Variants in CTNNA2 observed in about 807,000 individuals in gnomAD.
CTNNA2 encodes catenin alpha 2.
CTNNA2 carries 42 observed loss-of-function variants against 101.0 expected under a neutral mutation model. That is an observed-to-expected ratio of 0.42 (90% confidence interval 0.32 to 0.54). CTNNA2 has a LOEUF of 0.54. CTNNA2 is among the 20% of genes least tolerant of loss of function. The pLI is 0.14. For synonymous variants in CTNNA2, 450 were observed against 456.4 expected, an observed-to-expected ratio of 0.99 and a Z score of 0.18; for missense variants, 871 against 1,223.1, an observed-to-expected ratio of 0.71 and a Z score of 4.29.
chr2:80,561,100 G>A (rs531242490), intron 12 of CTNNA2, among the ~76,000 whole-genome samples: 3 of 152,244 alleles, frequency 2.0e-5, no homozygotes, highest in African/African-American at 7.2e-5. Context: ...AGAGTTTTAT[G>A]ATTGGACAGG....
chr2:79,778,065 G>A (rs1349983701), intron 3 of CTNNA2, among the ~76,000 whole-genome samples: 1 of 152,048 alleles, frequency 6.6e-6, no homozygotes, highest in Non-Finnish European at 1.5e-5. Flanking sequence ...TTTTCAGCTG[G>A]GTGCGGTGGC....
At chr2:79,269,043 C>T (rs563376406) in intron 2 of CTNNA2, among the ~76,000 whole-genome samples, 2 of 152,144 alleles carry the variant, frequency 1.3e-5, no homozygotes, top group African/African-American at 2.4e-5. Context: ...GGGGCCAGAT[C>T]GTTACCAAGG....
intron 18 of CTNNA2, among the ~76,000 whole-genome samples, chr2:80,626,263 A>G (rs550346126): frequency 2.6e-5 from 4 of 152,108 alleles, no homozygotes; most frequent in Non-Finnish European, 5.9e-5. Context: ...GGGAGAGTAG[A>G]GTGAACACAG....
intron 7 of CTNNA2, among the ~76,000 whole-genome samples, chr2:80,106,881 C>A (rs1054545213): frequency 6.6e-6 from 1 of 152,140 alleles, no homozygotes; most frequent in Non-Finnish European, 1.5e-5. Context: ...GTGGGACACA[C>A]AACGCTTGTC....
chr2:79,391,700 A>G (rs1338800197), intron 4 of CTNNA2, among the ~76,000 whole-genome samples: 1 of 152,188 alleles, frequency 6.6e-6, no homozygotes, highest in African/African-American at 2.4e-5. Flanking sequence ...TAACTTGCCC[A>G]ACATTGTACA....
At chr2:80,125,574 C>T (rs1357983382) in intron 7 of CTNNA2, among the ~76,000 whole-genome samples, 1 of 152,188 alleles carries the variant, frequency 6.6e-6, no homozygotes, top group Non-Finnish European at 1.5e-5. Context: ...GTGCATAGAG[C>T]AGATGTCACT....
intron 7 of CTNNA2, among the ~76,000 whole-genome samples, chr2:80,039,922 G>A (rs954036300): frequency 6.6e-6 from 1 of 152,198 alleles, no homozygotes; most frequent in African/African-American, 2.4e-5. Context: ...AAAATAAAAA[G>A]TGAGATTCTC....
chr2:79,735,751 C>G (rs1021645272), intron 2 of CTNNA2, among the ~76,000 whole-genome samples: 6 of 152,198 alleles, frequency 3.9e-5, no homozygotes, highest in Admixed American at 3.3e-4. Flanking sequence ...ATCATAAAAC[C>G]ATATCTTCAA....
chr2:80,210,736 T>A (rs1196382012), intron 7 of CTNNA2, among the ~76,000 whole-genome samples: 2 of 152,196 alleles, frequency 1.3e-5, no homozygotes, highest in Non-Finnish European at 2.9e-5. Flanking sequence ...TACCCAGTAA[T>A]GGCATGGCTG....
At chr2:80,528,518 GC>G (rs1461814277) in intron 9 of CTNNA2, among the ~76,000 whole-genome samples, 3 of 151,974 alleles carry the variant, frequency 2.0e-5, no homozygotes, top group Non-Finnish European at 4.4e-5. Flanking sequence ...TTTCTAACAA[GC>G]CCCCAGGTAT....
chr2:79,387,634 A>G (rs1007636886), intron 4 of CTNNA2, among the ~76,000 whole-genome samples: 6 of 152,200 alleles, frequency 3.9e-5, no homozygotes, highest in Non-Finnish European at 8.8e-5. Context: ...GACACTTCCA[A>G]TTAGGCAGAG....
intron 7 of CTNNA2, among the ~76,000 whole-genome samples, chr2:80,275,507 C>T (rs1305281248): frequency 6.6e-6 from 1 of 152,030 alleles, no homozygotes; most frequent in African/African-American, 2.4e-5. Flanking sequence ...AGGAAAGAGC[C>T]TTTGAGATAA....
chr2:80,363,434 C>T (rs1318787141), intron 7 of CTNNA2, among the ~76,000 whole-genome samples: 1 of 152,128 alleles, frequency 6.6e-6, no homozygotes, highest in Non-Finnish European at 1.5e-5. Context: ...CATGATTTTA[C>T]CAGCTCTCTC....
In CTNNA2 at chr2:79,858,183, C is replaced by T. The variant is rs1306200878; in HGVS notation, c.465+4C>T. ...ACTTTTATCCCATCTGAAAATTGTACGTATGTAGAACTTATCAAAACTTTC... is the reference window on the plus strand; with the variant it reads ...ACTTTTATCCCATCTGAAAATTGTATGTATGTAGAACTTATCAAAACTTTC... On this transcript the variant is annotated splice_donor_region_variant and intron_variant, in intron 4 of 18. Coordinates refer to ENST00000402739, the MANE Select transcript of CTNNA2 (RefSeq NM_001282597.3). 2.5e-6 allele frequency: 4 copies of T among 1,608,408 alleles called. No homozygotes were observed. The highest frequency in any genetic ancestry group is 1.7e-4 in the Middle Eastern group (1 of 6,046).
At chr2:80,600,271 G>A (rs1697367795) in intron 15 of CTNNA2, among the ~76,000 whole-genome samples, 1 of 151,924 alleles carries the variant, frequency 6.6e-6, no homozygotes, top group South Asian at 2.1e-4. Context: ...GAATAAAATG[G>A]AAGGATATTT....
chr2:80,202,862 A>G (rs118077524), intron 7 of CTNNA2, among the ~76,000 whole-genome samples: 3 of 152,180 alleles, frequency 2.0e-5, no homozygotes, highest in African/African-American at 4.8e-5. Context: ...CATGATAAAG[A>G]CATACCCAAG....
At chr2:79,730,778 C>T (rs1318759286) in intron 2 of CTNNA2, among the ~76,000 whole-genome samples, 10 of 151,654 alleles carry the variant, frequency 6.6e-5, no homozygotes, top group African/African-American at 2.2e-4. Flanking sequence ...TACTCACATA[C>T]GTACATACAC....
At chr2:79,394,631 A>G (rs1330451057) in intron 4 of CTNNA2, among the ~76,000 whole-genome samples, 1 of 152,162 alleles carries the variant, frequency 6.6e-6, no homozygotes, top group African/African-American at 2.4e-5. Context: ...CAGATCTCTG[A>G]CCTCACTCAG....
intron 2 of CTNNA2, among the ~76,000 whole-genome samples, chr2:79,699,760 A>G (rs1168376655): frequency 6.7e-6 from 1 of 148,380 alleles, no homozygotes; most frequent in Non-Finnish European, 1.5e-5. Context: ...ATATTTTCCA[A>G]TGAAAATTTA....
Sources: allele counts gnomAD v4.1 joint callset (sites outside exome capture counted in the v4.1 genomes callset), GRCh38; gene constraint gnomAD v4.1.1; transcripts MANE v1.5; gene names NCBI Gene and HGNC (gene_info 2026-07-23, HGNC 2026-07-21).